The following WDR70 variants were observed in gnomAD, a reference collection of about 807,000 sequenced individuals.
WDR70 encodes WD repeat-containing protein 70.
Under a neutral mutation model 88.6 loss-of-function variants are expected in WDR70, and 53 were observed. The ratio of observed to expected loss-of-function variants is 0.60; its 90% CI spans 0.48 to 0.75. The LOEUF is 0.75. Among genes scored for constraint, WDR70 ranks in the 30% least tolerant of loss-of-function variants. The pLI, the probability that WDR70 is intolerant of heterozygous loss-of-function variation, is 0.00. For synonymous variants in WDR70, 280 were observed against 270.0 expected, an observed-to-expected ratio of 1.04 and a Z score of -0.36; for missense variants, 610 against 823.2, an observed-to-expected ratio of 0.74 and a Z score of 3.17.
chr5:37,581,501 G>T lies in WDR70; in HGVS notation c.918-23563G>T, dbSNP rs144697869. Among the ~76,000 whole-genome samples, 1,203 of 152,146 alleles carry T rather than the reference G, an allele frequency of 7.9e-3. 15 individuals are homozygous for T. The highest frequency in any genetic ancestry group is 0.028 in the African/African-American group (1,142 of 41,498). On this transcript the variant is annotated intron_variant, in intron 9 of 17. Transcript: ENST00000265107. ...TCACCCTCAATCATTTTTCTATACT[G>T]TTACTCATGTCGTTATTTTTTGTTG... is the stretch of plus-strand genomic sequence containing the variant.
intron 9 of WDR70, among the ~76,000 whole-genome samples, chr5:37,581,474 C>T (rs1269855759): frequency 6.6e-6 from 1 of 152,082 alleles, no homozygotes; most frequent in Non-Finnish European, 1.5e-5. Flanking sequence ...ACTTCATTGT[C>T]CTCACCCTCA....
chr5:37,504,578 T>G (rs1426943003), intron 8 of WDR70, among the ~76,000 whole-genome samples: 1 of 152,220 alleles, frequency 6.6e-6, no homozygotes, highest in Non-Finnish European at 1.5e-5. Flanking sequence ...GGAAATAGAT[T>G]ATCTCTCAAT....
intron 13 of WDR70, among the ~76,000 whole-genome samples, chr5:37,709,708 G>A (rs1467123707): frequency 6.6e-6 from 1 of 152,214 alleles, no homozygotes; most frequent in Non-Finnish European, 1.5e-5. Context: ...AAGAAGTGCA[G>A]TGGTCACTCA....
At chr5:37,744,285 C>T (rs544236443) in intron 17 of WDR70, among the ~76,000 whole-genome samples, 24 of 152,170 alleles carry the variant, frequency 1.6e-4, no homozygotes, top group South Asian at 1.2e-3. Context: ...TCAGTAGCCT[C>T]GAAGACCAAA....
intron 17 of WDR70, among the ~76,000 whole-genome samples, chr5:37,737,948 A>G (rs1748349281): frequency 6.6e-6 from 1 of 151,970 alleles, no homozygotes; most frequent in Non-Finnish European, 1.5e-5. Flanking sequence ...TTTATTTTCT[A>G]AAATATTATA....
intron 13 of WDR70, among the ~76,000 whole-genome samples, chr5:37,705,427 A>G (rs554044590): frequency 2.2e-4 from 33 of 152,292 alleles, no homozygotes; most frequent in African/African-American, 7.9e-4. Flanking sequence ...ATTGTAATAG[A>G]TGGATGAAGA....
chr5:37,534,136 T>C (rs1157425513), intron 9 of WDR70, among the ~76,000 whole-genome samples: 1 of 152,176 alleles, frequency 6.6e-6, no homozygotes, highest in Non-Finnish European at 1.5e-5. Flanking sequence ...CACACCCTAG[T>C]ACCAGCCTGA....
At chr5:37,438,800 T>C (rs1750562107) in intron 6 of WDR70, among the ~76,000 whole-genome samples, 1 of 152,184 alleles carries the variant, frequency 6.6e-6, no homozygotes, top group East Asian at 1.9e-4. Flanking sequence ...GGTTTATTGT[T>C]ATTTTAAATG....
chr5:37,602,107 A>C (rs1743901298), intron 9 of WDR70, among the ~76,000 whole-genome samples: 1 of 152,036 alleles, frequency 6.6e-6, no homozygotes, highest in African/African-American at 2.4e-5. Flanking sequence ...ATTAGGAGAA[A>C]TACCTAATGT....
At chr5:37,601,785 G>GCACT (rs111529569) in intron 9 of WDR70, among the ~76,000 whole-genome samples, 24 of 152,176 alleles carry the variant, frequency 1.6e-4, no homozygotes, top group African/African-American at 5.5e-4. Flanking sequence ...GTTTATTGTG[G>GCACT]CACTATTCAT....
chr5:37,699,389 G>A (rs1747080280), intron 11 of WDR70, among the ~76,000 whole-genome samples: 1 of 9,294 alleles, frequency 1.1e-4, no homozygotes, highest in Admixed American at 1.6e-3. Flanking sequence ...ATATGTATGT[G>A]TGTATATATA....
intron 10 of WDR70, among the ~76,000 whole-genome samples, chr5:37,673,981 G>C (rs1292791292): frequency 2.0e-5 from 3 of 152,118 alleles, no homozygotes; most frequent in Non-Finnish European, 4.4e-5. Flanking sequence ...GTATTCCATG[G>C]TGTGTATGTA....
chr5:37,650,491 G>C (rs1216287525), intron 10 of WDR70, among the ~76,000 whole-genome samples: 1 of 152,182 alleles, frequency 6.6e-6, no homozygotes, highest in Non-Finnish European at 1.5e-5. Context: ...ATGATGCTTA[G>C]TGACTGAGAA....
intron 9 of WDR70, among the ~76,000 whole-genome samples, chr5:37,584,630 A>T (rs4869439): frequency 0.47 from 71,169 of 151,894 alleles, 18,244 homozygotes; most frequent in Non-Finnish European, 0.58. Flanking sequence ...GTGAAAAATT[A>T]GTATATGTAT....
chr5:37,531,245 G>A (rs1218475346), intron 9 of WDR70, among the ~76,000 whole-genome samples: 1 of 152,080 alleles, frequency 6.6e-6, no homozygotes. Flanking sequence ...TCCATGTACT[G>A]ATGAATAGAA....
intron 8 of WDR70, among the ~76,000 whole-genome samples, chr5:37,493,337 A>G (rs946236002): frequency 6.6e-6 from 1 of 152,166 alleles, no homozygotes; most frequent in Non-Finnish European, 1.5e-5. Flanking sequence ...ATTCCTTGCC[A>G]CATAGTTCCC....
chr5:37,712,223 C>T (rs1056642431), intron 13 of WDR70, among the ~76,000 whole-genome samples: 1 of 152,038 alleles, frequency 6.6e-6, no homozygotes, highest in East Asian at 1.9e-4. Context: ...GAACTCCTGA[C>T]CTTGTGATCC....
intron 5 of WDR70, among the ~76,000 whole-genome samples, chr5:37,408,659 A>G (rs79157992): frequency 0.048 from 7,376 of 152,268 alleles, 200 homozygotes; most frequent in South Asian, 0.076. Flanking sequence ...CTAAGCAGTG[A>G]GTATCTATAT....
chr5:37,569,672 A>G (rs778085119), intron 9 of WDR70, among the ~76,000 whole-genome samples: 1 of 152,218 alleles, frequency 6.6e-6, no homozygotes, highest in Non-Finnish European at 1.5e-5. Flanking sequence ...CAAAATATGC[A>G]TAGGCACCTT....
Sources: allele counts gnomAD v4.1 joint callset (sites outside exome capture counted in the v4.1 genomes callset), GRCh38; gene constraint gnomAD v4.1.1; transcripts MANE v1.5; gene names NCBI Gene and HGNC (gene_info 2026-07-23, HGNC 2026-07-21).